Variants in ST8SIA1 observed in about 807,000 individuals in gnomAD.
ST8SIA1 encodes alpha-N-acetylneuraminide alpha-2,8-sialyltransferase.
Under a neutral mutation model 35.9 loss-of-function variants are expected in ST8SIA1, and 16 were observed. The ratio of observed to expected loss-of-function variants is 0.45; its 90% CI spans 0.30 to 0.68. The LOEUF (loss-of-function observed/expected upper bound fraction) is 0.68, where lower values mean the gene tolerates loss of function less well. Among genes scored for constraint, ST8SIA1 ranks in the 30% least tolerant of loss-of-function variants. The pLI, the probability that ST8SIA1 is intolerant of heterozygous loss-of-function variation, is 0.09. For missense variants in ST8SIA1, 383 were observed against 453.6 expected (o/e 0.84, Z 1.41); for synonymous variants, 170 against 169.6 (o/e 1.00, Z -0.02).
rs745456839 is a variant in ST8SIA1 at position 22,311,847 on chromosome 12, G to A, written c.236+22150C>T. ...TTATGTAGGAGATTAATTGCATAAA[G>A]TAGGCAAGACCTCCATTGCAAAGGA... On this transcript the variant is annotated intron_variant, in intron 1 of 4. Coordinates refer to ENST00000396037, the MANE Select transcript of ST8SIA1 (RefSeq NM_003034.4). 8.5e-4 allele frequency among the ~76,000 whole-genome samples: 130 copies of A among 152,182 alleles called. 2 individuals are homozygous for A. Among genetic ancestry groups the A allele is most frequent in the Non-Finnish European group, 7.3e-4 (50 of 68,034 alleles).
intron 1 of ST8SIA1, among the ~76,000 whole-genome samples, chr12:22,329,051 C>T (rs772064256): frequency 5.9e-5 from 9 of 152,008 alleles, no homozygotes; most frequent in African/African-American, 1.4e-4. Context: ...GTGGGTGGCT[C>T]GAGCAAAACC....
intron 1 of ST8SIA1, among the ~76,000 whole-genome samples, chr12:22,318,644 C>T (rs188534525): frequency 2.5e-4 from 38 of 152,338 alleles, no homozygotes; most frequent in African/African-American, 8.7e-4. Flanking sequence ...GAGACATCCT[C>T]CTTCCTCACT....
chr12:22,260,295 G>A (rs897352104), intron 2 of ST8SIA1, among the ~76,000 whole-genome samples: 3 of 151,916 alleles, frequency 2.0e-5, no homozygotes, highest in Non-Finnish European at 4.4e-5. Context: ...CCAAGTAGCT[G>A]GAACTATAGG....
At chr12:22,292,578 G>A (rs1009110789) in intron 1 of ST8SIA1, among the ~76,000 whole-genome samples, 8 of 151,978 alleles carry the variant, frequency 5.3e-5, no homozygotes, top group Non-Finnish European at 8.8e-5. Context: ...CCATAAAAAG[G>A]AGGAAATCAT....
At chr12:22,303,813 T>G (rs1022362907) in intron 1 of ST8SIA1, among the ~76,000 whole-genome samples, 1 of 147,028 alleles carries the variant, frequency 6.8e-6, no homozygotes, top group Non-Finnish European at 1.5e-5. Context: ...CTGAAGTGGC[T>G]AAATCCGCCC....
chr12:22,319,500 T>C (rs1866557484), intron 1 of ST8SIA1, among the ~76,000 whole-genome samples: 1 of 152,252 alleles, frequency 6.6e-6, no homozygotes, highest in Non-Finnish European at 1.5e-5. Flanking sequence ...TTTCCTTTTG[T>C]AACAGAATGC....
intron 3 of ST8SIA1, among the ~76,000 whole-genome samples, chr12:22,253,586 T>C (rs191590298): frequency 2.0e-4 from 30 of 152,314 alleles, no homozygotes; most frequent in Non-Finnish European, 3.4e-4. Flanking sequence ...CTCTAGGATA[T>C]AAATCCACTA....
intron 4 of ST8SIA1, among the ~76,000 whole-genome samples, chr12:22,208,904 G>A (rs1398965683): frequency 1.3e-5 from 2 of 152,024 alleles, no homozygotes; most frequent in African/African-American, 4.8e-5. Context: ...ACATTGTACT[G>A]GGTCTACTGG....
At chr12:22,328,233 G>A (rs1427577533) in intron 1 of ST8SIA1, among the ~76,000 whole-genome samples, 1 of 152,186 alleles carries the variant, frequency 6.6e-6, no homozygotes. Flanking sequence ...CAGAGTGCTG[G>A]ACACACAGTA....
chr12:22,311,007 A>T (rs1866443009), intron 1 of ST8SIA1, among the ~76,000 whole-genome samples: 1 of 152,196 alleles, frequency 6.6e-6, no homozygotes, highest in Non-Finnish European at 1.5e-5. Flanking sequence ...AAGTTAATTC[A>T]ATTTAATGAA....
intron 4 of ST8SIA1, among the ~76,000 whole-genome samples, chr12:22,221,202 A>G (rs963642084): frequency 6.6e-6 from 1 of 152,004 alleles, no homozygotes; most frequent in African/African-American, 2.4e-5. Context: ...CTAACTTTCC[A>G]ATTTACATCA....
At chr12:22,304,106 A>G (rs749435338) in intron 1 of ST8SIA1, among the ~76,000 whole-genome samples, 4 of 152,086 alleles carry the variant, frequency 2.6e-5, no homozygotes, top group Non-Finnish European at 5.9e-5. Context: ...TCCTAAATCA[A>G]GCCCTTTCTG....
rs2120581703 is a variant in ST8SIA1, at chr12:22,195,219, A to G, written c.*6333T>C. 6.6e-6 allele frequency: 1 copy of G among 151,628 alleles called. No homozygotes were observed. The highest frequency in any genetic ancestry group is 2.4e-5 in the African/African-American group (1 of 41,290). The allele number at this position is 151,628 out of a possible 1,614,324, so 9.4% of individuals were successfully genotyped here. On this transcript the variant is annotated 3_prime_UTR_variant, in exon 5 of 5. Coordinates refer to ENST00000396037, the MANE Select transcript of ST8SIA1 (RefSeq NM_003034.4). ...AAAAAAAAAAAAAAAAAAAGAAAGA[A>G]AGAAAGAAAGGAAAAAGAAAACGGG...
intron 4 of ST8SIA1, among the ~76,000 whole-genome samples, chr12:22,204,470 T>C (rs565277470): frequency 2.6e-5 from 4 of 152,288 alleles, no homozygotes; most frequent in African/African-American, 9.6e-5. Context: ...CCTCTATTGC[T>C]TTCCTTGCTT....
chr12:22,219,190 AATT>A (rs577820135), intron 4 of ST8SIA1, among the ~76,000 whole-genome samples: 82 of 152,292 alleles, frequency 5.4e-4, no homozygotes, highest in African/African-American at 1.8e-3. Flanking sequence ...TTCATTATTC[AATT>A]ATTATTTTAT....
intron 4 of ST8SIA1, among the ~76,000 whole-genome samples, chr12:22,209,613 T>G (rs1183217517): frequency 6.6e-6 from 1 of 152,166 alleles, no homozygotes; most frequent in African/African-American, 2.4e-5. Flanking sequence ...GACCCTGCAT[T>G]TCCAGTTCTC....
intron 2 of ST8SIA1, among the ~76,000 whole-genome samples, chr12:22,261,999 C>T (rs549403219): frequency 2.6e-5 from 4 of 152,168 alleles, no homozygotes; most frequent in South Asian, 2.1e-4. Flanking sequence ...CAAAATGCAG[C>T]GTGCTATAAG....
intron 2 of ST8SIA1, among the ~76,000 whole-genome samples, chr12:22,286,094 C>T (rs1866098199): frequency 6.6e-6 from 1 of 152,124 alleles, no homozygotes; most frequent in African/African-American, 2.4e-5. Context: ...TTTCCTTTGA[C>T]ACCTGGAAGC....
chr12:22,280,297 T>C (rs1435768321), intron 2 of ST8SIA1, among the ~76,000 whole-genome samples: 1 of 152,054 alleles, frequency 6.6e-6, no homozygotes. Context: ...ATTAAGAAAC[T>C]AATCAAAGAA....
Sources: allele counts gnomAD v4.1 joint callset (sites outside exome capture counted in the v4.1 genomes callset), GRCh38; gene constraint gnomAD v4.1.1; transcripts MANE v1.5; gene names NCBI Gene and HGNC (gene_info 2026-07-23, HGNC 2026-07-21).